ATP8A2: variants seen among roughly 807,000 people sequenced by gnomAD.
ATP8A2 encodes phospholipid-transporting ATPase IB.
ATP8A2 carries 100 observed loss-of-function variants against 165.6 expected under a neutral mutation model. The observed-to-expected ratio is 0.60, with a 90% CI of 0.51 to 0.71. ATP8A2 has a LOEUF of 0.71. ATP8A2 is among the 30% of genes least tolerant of loss of function. ATP8A2 has a pLI of 0.00. For missense variants in ATP8A2, 1,227 were observed against 1,479.5 expected (o/e 0.83, Z 2.80); for synonymous variants, 543 against 548.8 (o/e 0.99, Z 0.15).
chr13:25,795,230 G>A (rs1294259852), intron 27 of ATP8A2, among the ~76,000 whole-genome samples: 1 of 151,850 alleles, frequency 6.6e-6, no homozygotes, highest in African/African-American at 2.4e-5. Context: ...GGGCAGGGAG[G>A]GATTTTCACT....
Position 25,531,174 on chromosome 13 carries a change from G to GAT in ATP8A2, c.420+523_420+524dup, listed in dbSNP as rs369623718. Among the ~76,000 whole-genome samples the GAT allele has an allele frequency of 4.2e-3, 501 of 118,542 alleles. 1 individual carries two copies. Among genetic ancestry groups the GAT allele is most frequent in the South Asian group, 0.012 (48 of 3,960 alleles). 77.8% of individuals were successfully genotyped at this position (118,542 alleles called of 152,430 possible). On this transcript the variant is annotated intron_variant, in intron 4 of 36. Coordinates refer to ENST00000381655, the MANE Select transcript of ATP8A2 (RefSeq NM_016529.6). ...TATATATATGATATATATGTTATAT[G>GAT]ATATATATATGTTATATATGTTATA...
At chr13:25,504,664 C>T (rs979688647) in intron 2 of ATP8A2, among the ~76,000 whole-genome samples, 2 of 140,590 alleles carry the variant, frequency 1.4e-5, no homozygotes, top group South Asian at 2.2e-4. Flanking sequence ...GGCGTGAACC[C>T]GGGAAGCGGA....
At chr13:25,415,385 C>A (rs915401526) in intron 1 of ATP8A2, among the ~76,000 whole-genome samples, 1 of 152,174 alleles carries the variant, frequency 6.6e-6, no homozygotes, top group Non-Finnish European at 1.5e-5. Context: ...AACTAAGGCC[C>A]TGGGCCAAGC....
At chr13:25,747,718 C>T (rs217865) in intron 25 of ATP8A2, among the ~76,000 whole-genome samples, 62,010 of 151,978 alleles carry the variant, frequency 0.41, 13,868 homozygotes, top group African/African-American at 0.59. Context: ...TTTCATTTAA[C>T]CTTTAAAATC....
chr13:25,928,230 C>G lies in ATP8A2; in HGVS notation c.3184-33345C>G, dbSNP rs1012431878. Among the ~76,000 whole-genome samples the G allele has an allele frequency of 8.5e-5, 13 of 152,298 alleles. No individual in the cohort carries two copies. In the East Asian group the frequency reaches 1.2e-3, roughly 14 times the overall value. On this transcript the variant is annotated intron_variant, in intron 33 of 36. Coordinates refer to ENST00000381655, the MANE Select transcript of ATP8A2 (RefSeq NM_016529.6). Reference sequence around the variant, plus strand: ...GTGTTAGGGAAGAGGAGAGAGTCAGCAGACATGAATATTTAAAGACTCCCT... The same window carrying G: ...GTGTTAGGGAAGAGGAGAGAGTCAGGAGACATGAATATTTAAAGACTCCCT...
intron 24 of ATP8A2, among the ~76,000 whole-genome samples, chr13:25,608,979 A>G (rs551373884): frequency 1.3e-5 from 2 of 152,322 alleles, no homozygotes; most frequent in African/African-American, 2.4e-5. Flanking sequence ...AATACTTAGA[A>G]TTGAATGATT....
intron 2 of ATP8A2, among the ~76,000 whole-genome samples, chr13:25,481,203 A>AACAGGG (rs144557425): frequency 3.3e-5 from 5 of 149,550 alleles, no homozygotes; most frequent in African/African-American, 1.0e-4. Flanking sequence ...CAGGGAGAGG[A>AACAGGG]ACAGGGACAG....
chr13:25,413,612 G>T lies in ATP8A2; in HGVS notation c.76+41324G>T, dbSNP rs187760797. Among the ~76,000 whole-genome samples, 31 of 152,246 alleles carry T rather than the reference G, an allele frequency of 2.0e-4. No individual in the cohort carries two copies. In the East Asian group the frequency reaches 6.0e-3, roughly 29 times the overall value. On this transcript the variant is annotated intron_variant, in intron 1 of 36. Coordinates refer to ENST00000381655, the MANE Select transcript of ATP8A2 (RefSeq NM_016529.6). ...ATAATCTAAGTTAAAATCTAAGTGAGCTTAGTTGCTATTTCTGATTCTGAT... is the reference window on the plus strand; with the variant it reads ...ATAATCTAAGTTAAAATCTAAGTGATCTTAGTTGCTATTTCTGATTCTGAT...
At chr13:25,982,669 G>T (rs1013024723) in intron 35 of ATP8A2, among the ~76,000 whole-genome samples, 2 of 152,196 alleles carry the variant, frequency 1.3e-5, no homozygotes, top group Non-Finnish European at 2.9e-5. Flanking sequence ...CATTTCTGCT[G>T]TGGCGTCAAG....
intron 28 of ATP8A2, among the ~76,000 whole-genome samples, chr13:25,834,533 T>A (rs1195446410): frequency 1.3e-5 from 2 of 152,172 alleles, no homozygotes; most frequent in African/African-American, 4.8e-5. Flanking sequence ...CTAAAAAAAA[T>A]GGCACATCCA....
At chr13:25,435,213 C>T (rs1289591506) in intron 1 of ATP8A2, among the ~76,000 whole-genome samples, 6 of 151,622 alleles carry the variant, frequency 4.0e-5, no homozygotes, top group African/African-American at 7.3e-5. Flanking sequence ...CTCCACCTCC[C>T]GGTTTCAAGC....
intron 24 of ATP8A2, among the ~76,000 whole-genome samples, chr13:25,671,850 A>G (rs1393871106): frequency 6.6e-6 from 1 of 152,196 alleles, no homozygotes; most frequent in Non-Finnish European, 1.5e-5. Flanking sequence ...TCTGTGACCC[A>G]CACCTATTCA....
At chr13:25,954,603 C>T (rs1955473917) in intron 33 of ATP8A2, among the ~76,000 whole-genome samples, 1 of 152,182 alleles carries the variant, frequency 6.6e-6, no homozygotes, top group African/African-American at 2.4e-5. Flanking sequence ...ACACCTCATA[C>T]AAGAGAGCTC....
chr13:25,976,705 C>A (rs34131943), intron 35 of ATP8A2, among the ~76,000 whole-genome samples: 1 of 151,898 alleles, frequency 6.6e-6, no homozygotes, highest in Admixed American at 6.6e-5. Flanking sequence ...TACCCTCCCC[C>A]CAAGAAATGC....
Position 26,021,192 on chromosome 13 carries a change from G to A in ATP8A2, c.*1207G>A, listed in dbSNP as rs1957077591. The A allele has an allele frequency of 1.3e-5, 2 of 152,302 alleles. No individual in the cohort carries two copies. Among genetic ancestry groups the A allele is most frequent in the African/African-American group, 4.8e-5 (2 of 41,456 alleles). 9.4% of individuals were successfully genotyped at this position (152,302 alleles called of 1,614,324 possible). ...TGGGGAGAACAAGACGACCACAGAAGTCCTCAGAAGGAGAAGGAAGGACAC... is the reference window on the plus strand; with the variant it reads ...TGGGGAGAACAAGACGACCACAGAAATCCTCAGAAGGAGAAGGAAGGACAC... On this transcript the variant is annotated 3_prime_UTR_variant, in exon 37 of 37. Transcript: ENST00000381655.
chr13:25,600,449 G>C (rs909367655), intron 24 of ATP8A2, among the ~76,000 whole-genome samples: 1 of 152,186 alleles, frequency 6.6e-6, no homozygotes. Context: ...GCACAGAAAT[G>C]AATTTCAAGT....
intron 24 of ATP8A2, among the ~76,000 whole-genome samples, chr13:25,691,938 G>T (rs1022112266): frequency 6.6e-6 from 1 of 152,152 alleles, no homozygotes; most frequent in African/African-American, 2.4e-5. Flanking sequence ...AAATACAAAA[G>T]CATGGAGAGC....
intron 33 of ATP8A2, among the ~76,000 whole-genome samples, chr13:25,958,696 T>C (rs1349197153): frequency 8.5e-5 from 13 of 152,218 alleles, no homozygotes; most frequent in Admixed American, 8.5e-4. Context: ...ATTAGGATGG[T>C]AGGAACCTCT....
chr13:25,428,432 G>A (rs2034511891), intron 1 of ATP8A2, among the ~76,000 whole-genome samples: 1 of 152,274 alleles, frequency 6.6e-6, no homozygotes, highest in South Asian at 2.1e-4. Flanking sequence ...ATGAGCCATA[G>A]TGTCTACTCC....
Sources: gnomAD v4.1 joint callset for allele counts (sites outside exome capture counted in the v4.1 genomes callset) on GRCh38, gnomAD v4.1.1 for gene constraint, MANE v1.5 for transcripts, NCBI Gene and HGNC (gene_info 2026-07-23, HGNC 2026-07-21) for gene names.